Variants in BST1 observed in about 807,000 individuals in gnomAD.
The protein encoded by BST1 is bone marrow stromal cell antigen 1.
In BST1, 49 loss-of-function variants were observed where a neutral mutation model predicts 40.6. The ratio of observed to expected loss-of-function variants is 1.21; its 90% CI spans 0.96 to 1.53. BST1 has a LOEUF of 1.53. BST1 is among the 40% of genes most tolerant of loss of function. BST1 has a pLI of 0.00. For missense variants in BST1, 423 were observed against 395.9 expected (o/e 1.07, Z -0.58); for synonymous variants, 157 against 159.3 (o/e 0.99, Z 0.11).
chr4:15,711,697 A>G (rs1288421646), intron 3 of BST1, 110 bp from the exon 4 acceptor site: 3 of 880,970 alleles, frequency 3.4e-6, no homozygotes, highest in Non-Finnish European at 5.6e-6. Flanking sequence ...TACACATTGT[A>G]CAGAATGGAA....
chr4:15,723,573 C>G, intron 8 of BST1: 1 of 985,398 alleles, frequency 1.0e-6, no homozygotes, highest in Non-Finnish European at 1.2e-6. Context: ...GTAATCCTTT[C>G]TGAGTCATGG....
the BST1 span, among the ~76,000 whole-genome samples, chr4:15,755,470 A>G: frequency 6.7e-4 from 102 of 152,284 alleles, no homozygotes; most frequent in African/African-American, 2.3e-3. Flanking sequence ...TGCAATGACT[A>G]ATCTGGTATA....
At chr4:15,757,078 C>T in the BST1 span, among the ~76,000 whole-genome samples, 1 of 152,198 alleles carries the variant, frequency 6.6e-6, no homozygotes, top group African/African-American at 2.4e-5. Flanking sequence ...ACCTGAGATA[C>T]TTTATTTGCA....
chr4:15,752,520 C>A, the BST1 span, among the ~76,000 whole-genome samples: 1 of 151,848 alleles, frequency 6.6e-6, no homozygotes. Flanking sequence ...TCCTGAGTAG[C>A]TGGGATTACA....
At chr4:15,716,407 G>A (rs1270671548) in intron 6 of BST1, among the ~76,000 whole-genome samples, 1 of 152,178 alleles carries the variant, frequency 6.6e-6, no homozygotes, top group Non-Finnish European at 1.5e-5. Context: ...CCTAAATAAA[G>A]CTGGACAGCC....
At chr4:15,738,450 C>G (rs752160882), downstream of BST1, 1 of 151,952 alleles carries the variant, frequency 6.6e-6, no homozygotes, top group Non-Finnish European at 1.5e-5. Flanking sequence ...CCGGAGAATA[C>G]AAAGATGTTA....
downstream of BST1, chr4:15,736,120 C>G (rs928986965): frequency 7.8e-7 from 1 of 1,288,584 alleles, no homozygotes; most frequent in African/African-American, 1.5e-5. Flanking sequence ...CCGGTTCTAG[C>G]CTTTGTACAA....
At chr4:15,752,917 T>C in the BST1 span, among the ~76,000 whole-genome samples, 1 of 152,212 alleles carries the variant, frequency 6.6e-6, no homozygotes, top group Non-Finnish European at 1.5e-5. Context: ...ATGTAAATAG[T>C]ACATATAAAT....
chr4:15,716,333 G>A (rs1720513699), intron 6 of BST1, among the ~76,000 whole-genome samples: 1 of 152,146 alleles, frequency 6.6e-6, no homozygotes, highest in African/African-American at 2.4e-5. Flanking sequence ...GAGCACTGCT[G>A]GCACAAACTC....
the BST1 span, among the ~76,000 whole-genome samples, chr4:15,753,223 T>G: frequency 1.3e-5 from 2 of 152,264 alleles, no homozygotes; most frequent in African/African-American, 4.8e-5. Flanking sequence ...CTTCTAAAAT[T>G]TCAGATTAGA....
downstream of BST1, chr4:15,737,778 C>A (rs1430556588): frequency 1.6e-6 from 2 of 1,285,806 alleles, no homozygotes. Context: ...ACTTTCTGAA[C>A]CTGAACAGGA....
At chr4:15,741,478 A>G (rs1405822530), downstream of BST1, among the ~76,000 whole-genome samples, 1 of 152,184 alleles carries the variant, frequency 6.6e-6, no homozygotes, top group African/African-American at 2.4e-5. Flanking sequence ...TCAGTCATAG[A>G]TGCTGGAATC....
chr4:15,703,723 TGTGTGTGTGTGTGCTCTAGAGGTGAGGG>T (rs2148874333), intron 1 of BST1, among the ~76,000 whole-genome samples: 2 of 128,468 alleles, frequency 1.6e-5, no homozygotes, highest in South Asian at 5.3e-4. Context: ...TGGGGGTGTG[TGTGTGTGTGTGTGCTCTAGAGGTGAGGG>T]GTGTGTGTGT....
the BST1 span, among the ~76,000 whole-genome samples, chr4:15,769,865 A>G: frequency 2.6e-5 from 4 of 151,944 alleles, no homozygotes; most frequent in Non-Finnish European, 4.4e-5. Context: ...TTTTAAAGAC[A>G]ATCTCCCTCT....
chr4:15,713,500 A>G (rs1167463101), intron 4 of BST1, among the ~76,000 whole-genome samples: 2 of 152,124 alleles, frequency 1.3e-5, no homozygotes, highest in Middle Eastern at 3.4e-3. Context: ...TTTCATCTTT[A>G]TGACAATTCT....
the BST1 span, among the ~76,000 whole-genome samples, chr4:15,770,576 G>A: frequency 2.6e-5 from 4 of 151,976 alleles, no homozygotes; most frequent in Non-Finnish European, 5.9e-5. Flanking sequence ...ACAGTGGCAC[G>A]TGCCTCCCAG....
the BST1 span, among the ~76,000 whole-genome samples, chr4:15,769,279 T>G: frequency 2.6e-5 from 4 of 152,212 alleles, no homozygotes; most frequent in Non-Finnish European, 5.9e-5. Context: ...AGCTGCTTAT[T>G]CTGCAGGCGT....
chr4:15,726,235 C>T (rs1336529442), intron 8 of BST1, among the ~76,000 whole-genome samples: 2 of 150,628 alleles, frequency 1.3e-5, no homozygotes, highest in African/African-American at 4.9e-5. Context: ...ACATGAGCTC[C>T]AGGAGGTCAG....
chr4:15,729,153 A>G (rs1050071885), intron 8 of BST1, among the ~76,000 whole-genome samples: 7 of 152,218 alleles, frequency 4.6e-5, no homozygotes, highest in African/African-American at 1.7e-4. Flanking sequence ...TTAATATTTA[A>G]GTTGAAAATA....
Sources: gnomAD v4.1 joint callset for allele counts (sites outside exome capture counted in the v4.1 genomes callset) on GRCh38, gnomAD v4.1.1 for gene constraint, MANE v1.5 for transcripts, NCBI Gene and HGNC (gene_info 2026-07-23, HGNC 2026-07-21) for gene names.